PCDH9: variants seen among roughly 807,000 people sequenced by gnomAD.
PCDH9 encodes protocadherin-9.
A neutral mutation model predicts 70.6 loss-of-function variants in PCDH9; 24 were observed. The ratio of observed to expected loss-of-function variants is 0.34; its 90% CI spans 0.25 to 0.48. PCDH9 has a LOEUF of 0.48. Ranked by LOEUF, PCDH9 falls within the 20% of genes least tolerant of loss-of-function variation. The pLI, the probability that PCDH9 is intolerant of heterozygous loss-of-function variation, is 0.99. For missense variants in PCDH9, 1,281 were observed against 1,503.6 expected (o/e 0.85, Z 2.45); for synonymous variants, 562 against 558.5 (o/e 1.01, Z -0.09).
intron 4 of PCDH9, among the ~76,000 whole-genome samples, chr13:66,599,437 C>T (rs1375080517): frequency 2.6e-5 from 4 of 151,688 alleles, no homozygotes; most frequent in East Asian, 3.9e-4. Flanking sequence ...AAAGTTATTA[C>T]CTGAAATGTT....
intron 2 of PCDH9, among the ~76,000 whole-genome samples, chr13:67,071,864 G>A (rs1417544528): frequency 7.1e-6 from 1 of 140,794 alleles, no homozygotes; most frequent in Non-Finnish European, 1.5e-5. Flanking sequence ...ACTCCAGCCT[G>A]GGCAACAGAG....
chr13:66,996,049 G>C (rs935419250), intron 2 of PCDH9, among the ~76,000 whole-genome samples: 1 of 152,130 alleles, frequency 6.6e-6, no homozygotes, highest in Non-Finnish European at 1.5e-5. Flanking sequence ...ACACTGTCTA[G>C]TCTTGCAGAG....
intron 3 of PCDH9, among the ~76,000 whole-genome samples, chr13:66,645,097 T>C (rs748260388): frequency 6.6e-6 from 1 of 152,100 alleles, no homozygotes; most frequent in Admixed American, 6.5e-5. Context: ...AGTTCAGACA[T>C]CTTGTTTTAT....
At chr13:66,893,817 C>G (rs2082133149) in intron 3 of PCDH9, among the ~76,000 whole-genome samples, 1 of 152,040 alleles carries the variant, frequency 6.6e-6, no homozygotes, top group Non-Finnish European at 1.5e-5. Context: ...TCATGCTATT[C>G]CATTCTAACC....
At chr13:67,199,239 A>G (rs1319145011) in intron 2 of PCDH9, among the ~76,000 whole-genome samples, 1 of 151,632 alleles carries the variant, frequency 6.6e-6, no homozygotes, top group South Asian at 2.1e-4. Context: ...ACCATATACA[A>G]CTACATCTCT....
intron 2 of PCDH9, among the ~76,000 whole-genome samples, chr13:66,955,609 T>C (rs1335903962): frequency 6.6e-6 from 1 of 152,184 alleles, no homozygotes; most frequent in Non-Finnish European, 1.5e-5. Context: ...ATTTTGGATG[T>C]GTAAAGAGGT....
chr13:66,819,272 G>A (rs955757210), intron 3 of PCDH9, among the ~76,000 whole-genome samples: 1 of 150,614 alleles, frequency 6.6e-6, no homozygotes, highest in African/African-American at 2.4e-5. Context: ...TATTACTTAT[G>A]TACCCCATTG....
At chr13:66,378,620 G>C (rs2138235232) in intron 4 of PCDH9, among the ~76,000 whole-genome samples, 1 of 152,240 alleles carries the variant, frequency 6.6e-6, no homozygotes, top group East Asian at 1.9e-4. Context: ...TCCTTGTGTG[G>C]TTAGGAAATG....
At chr13:66,322,807 C>A (rs1319454357) in intron 4 of PCDH9, among the ~76,000 whole-genome samples, 1 of 151,938 alleles carries the variant, frequency 6.6e-6, no homozygotes, top group Non-Finnish European at 1.5e-5. Flanking sequence ...ACGTATATCA[C>A]TCTCAGCTTT....
intron 2 of PCDH9, among the ~76,000 whole-genome samples, chr13:66,948,001 T>C (rs913136297): frequency 6.6e-6 from 1 of 151,988 alleles, no homozygotes; most frequent in African/African-American, 2.4e-5. Flanking sequence ...TTTTTAAGCA[T>C]GGGGGGATGA....
At chr13:66,858,067 A>G (rs1354703253) in intron 3 of PCDH9, among the ~76,000 whole-genome samples, 1 of 152,172 alleles carries the variant, frequency 6.6e-6, no homozygotes, top group African/African-American at 2.4e-5. Context: ...CCTTTAAAAT[A>G]GCATCCTTAC....
rs550366452 is a variant in PCDH9, at chr13:66,590,292, T to G, written c.3340+40918A>C. Among the ~76,000 whole-genome samples, 556 of 152,042 alleles carry G rather than the reference T, an allele frequency of 3.7e-3. 2 individuals carry two copies. Among genetic ancestry groups the G allele is most frequent in the African/African-American group, 0.013 (534 of 41,544 alleles). Reference sequence around the variant, plus strand: ...TTCCAGAGTGACAATTTAAGTACCATGAGATAATGTTCATATTGAGGCTTT... The same window carrying G: ...TTCCAGAGTGACAATTTAAGTACCAGGAGATAATGTTCATATTGAGGCTTT... On this transcript the variant is annotated intron_variant, in intron 4 of 4. Transcript: ENST00000377865.
chr13:66,670,459 C>T (rs1268969287), intron 3 of PCDH9, among the ~76,000 whole-genome samples: 1 of 152,142 alleles, frequency 6.6e-6, no homozygotes, highest in African/African-American at 2.4e-5. Flanking sequence ...TGGACATCAT[C>T]ATCTTAATTA....
chr13:66,751,791 G>A (rs1010301817), intron 3 of PCDH9, among the ~76,000 whole-genome samples: 3 of 152,058 alleles, frequency 2.0e-5, no homozygotes, highest in Non-Finnish European at 2.9e-5. Context: ...AAATAGTTAC[G>A]GTGACTGTTG....
intron 3 of PCDH9, among the ~76,000 whole-genome samples, chr13:66,689,029 G>C (rs1360851080): frequency 6.6e-6 from 1 of 152,076 alleles, no homozygotes; most frequent in Non-Finnish European, 1.5e-5. Context: ...CAATACACAG[G>C]TGTTATCAAG....
At chr13:66,586,506 G>A (rs886196864) in intron 4 of PCDH9, among the ~76,000 whole-genome samples, 6 of 152,092 alleles carry the variant, frequency 3.9e-5, no homozygotes, top group Non-Finnish European at 8.8e-5. Context: ...GAATGGTTGG[G>A]GCGCTCTTCC....
At chr13:66,807,978 G>C (rs375176378) in intron 3 of PCDH9, among the ~76,000 whole-genome samples, 85 of 152,290 alleles carry the variant, frequency 5.6e-4, no homozygotes, top group African/African-American at 2.0e-3. Context: ...TATGGGGGTA[G>C]ATGGAGGAGA....
At chr13:66,611,963 A>G (rs58220682) in intron 4 of PCDH9, among the ~76,000 whole-genome samples, 10,084 of 152,306 alleles carry the variant, frequency 0.066, 581 homozygotes, top group African/African-American at 0.15. Context: ...GCAGTTCACC[A>G]CTACATACAC....
At chr13:66,486,891 A>T (rs1958953224) in intron 4 of PCDH9, among the ~76,000 whole-genome samples, 1 of 152,182 alleles carries the variant, frequency 6.6e-6, no homozygotes, top group South Asian at 2.1e-4. Flanking sequence ...CTGGAATTGT[A>T]GTGGTAGTGC....
Sources: gnomAD v4.1 joint callset for allele counts (sites outside exome capture counted in the v4.1 genomes callset) on GRCh38, gnomAD v4.1.1 for gene constraint, MANE v1.5 for transcripts, NCBI Gene and HGNC (gene_info 2026-07-23, HGNC 2026-07-21) for gene names.